The following ZNRF1 variants were observed in gnomAD, a reference collection of about 807,000 sequenced individuals.
The protein encoded by ZNRF1 is zinc and ring finger 1.
In ZNRF1, 3 loss-of-function variants were observed where a neutral mutation model predicts 18.4. The observed-to-expected ratio is 0.16, with a 90% CI of 0.07 to 0.42. The LOEUF is 0.42. Ranked by LOEUF, ZNRF1 falls within the 10% of genes least tolerant of loss-of-function variation. ZNRF1 has a pLI of 0.99. For missense variants in ZNRF1, 310 were observed against 329.8 expected (o/e 0.94, Z 0.47); for synonymous variants, 157 against 144.2 (o/e 1.09, Z -0.64).
chr16:75,040,598 G>GTTTTTTTT (rs61513153), intron 1 of ZNRF1, among the ~76,000 whole-genome samples: 8 of 46,386 alleles, frequency 1.7e-4, no homozygotes, highest in East Asian at 8.4e-4. Context: ...TTTTTTGTGG[G>GTTTTTTTT]TTTTTTTTTT....
chr16:75,037,880 G>A lies in ZNRF1; in HGVS notation c.424+37785G>A, dbSNP rs556343093. Among the ~76,000 whole-genome samples the A allele has an allele frequency of 3.8e-4, 58 of 152,224 alleles. 1 individual carries two copies. In the South Asian group the frequency reaches 7.5e-3, roughly 20 times the overall value. On this transcript the variant is annotated intron_variant, in intron 1 of 4. Transcript: ENST00000335325. Reference sequence around the variant, plus strand: ...ACCTGTTTTCCTAATACAAAATTTGGGAAGCAACAAAACCTTTTGCTGACA... The same window carrying A: ...ACCTGTTTTCCTAATACAAAATTTGAGAAGCAACAAAACCTTTTGCTGACA...
chr16:75,093,711 G>A (rs76372102), intron 2 of ZNRF1, 44 bp downstream of exon 2: 23,327 of 1,539,560 alleles, frequency 0.015, 236 homozygotes, highest in Non-Finnish European at 0.019. Flanking sequence ...GCATCCGTCG[G>A]GGGAGCCGGC....
chr16:75,029,390 C>T (rs774506251), intron 1 of ZNRF1, among the ~76,000 whole-genome samples: 7 of 152,080 alleles, frequency 4.6e-5, no homozygotes, highest in Non-Finnish European at 1.0e-4. Flanking sequence ...CCTTGTGATT[C>T]GCCTGCCTCG....
intron 1 of ZNRF1, among the ~76,000 whole-genome samples, chr16:75,046,604 CT>C (rs1567477212): frequency 6.6e-6 from 1 of 151,642 alleles, no homozygotes; most frequent in Non-Finnish European, 1.5e-5. Flanking sequence ...GAGACTGAGT[CT>C]CGCTCTGTCG....
intron 1 of ZNRF1, among the ~76,000 whole-genome samples, chr16:75,042,970 G>A (rs946918082): frequency 2.0e-5 from 3 of 152,190 alleles, no homozygotes; most frequent in South Asian, 4.1e-4. Context: ...GGCCAGCTCC[G>A]GGACGGTAAA....
intron 3 of ZNRF1, 134 bp downstream of exon 3, chr16:75,105,023 G>T: frequency 1.4e-6 from 1 of 698,886 alleles, no homozygotes; most frequent in Non-Finnish European, 2.4e-6. Context: ...GGTAAGGGCA[G>T]AGGCCATCAG....
chr16:75,104,837 C>T lies in ZNRF1; in HGVS notation c.574C>T (p.Leu192=). 6.2e-7 allele frequency: 1 copy of T among 1,611,270 alleles called. No individual in the cohort carries two copies. Among genetic ancestry groups the T allele is most frequent in the Non-Finnish European group, 8.5e-7 (1 of 1,179,222 alleles). ...GTGTGTGATCTGCCTGGAGGAGCTG[C>T]TGCAGGGGGACACGATAGCCAGGCT... The part of the protein sequence containing the change: ...GECVICLEEL[L]QGDTIARLPC... Residue 192 remains leucine (L), a synonymous_variant, in exon 3 of 5, where the codon CTG becomes TTG. Coordinates refer to ENST00000335325, the MANE Select transcript of ZNRF1 (RefSeq NM_032268.5).
At chr16:75,000,157 C>A (rs2034823878) in intron 1 of ZNRF1, 62 bp downstream of exon 1, 2 of 1,555,614 alleles carry the variant, frequency 1.3e-6, no homozygotes, top group South Asian at 1.2e-5. Flanking sequence ...CAAGCCTTCG[C>A]GTGCGTGCCA....
chr16:75,061,700 A>G (rs922855281), intron 1 of ZNRF1, among the ~76,000 whole-genome samples: 2 of 152,190 alleles, frequency 1.3e-5, no homozygotes, highest in African/African-American at 4.8e-5. Flanking sequence ...GTGTGATGGC[A>G]AAGTTACCTA....
At chr16:75,035,168 A>G (rs2035361768) in intron 1 of ZNRF1, among the ~76,000 whole-genome samples, 1 of 143,004 alleles carries the variant, frequency 7.0e-6, no homozygotes. Flanking sequence ...CAGCCTCCCA[A>G]GTAGCTGGGA....
At chr16:75,104,712 G>T (rs1310223703) in intron 2 of ZNRF1, 72 bp from the exon 3 acceptor site, 4 of 1,350,690 alleles carry the variant, frequency 3.0e-6, no homozygotes, top group Admixed American at 4.0e-5. Flanking sequence ...TAGTTCCTAG[G>T]CCCTTGCTTG....
chr16:75,107,780 C>T lies in ZNRF1; in HGVS notation c.*80C>T. On this transcript the variant is annotated 3_prime_UTR_variant, in exon 5 of 5. Transcript: ENST00000335325. ...GGAGGAGGCTCACCGGACCCTGGGG[C>T]AGAGCTGAGCTTGGGACACCAGCGG... 1 of 456,490 alleles carries T rather than the reference C, an allele frequency of 2.2e-6. No individual in the cohort carries two copies. The highest frequency in any genetic ancestry group is 4.4e-6 in the Non-Finnish European group (1 of 226,796). The allele number at this position is 456,490 out of a possible 1,614,324, so 28.3% of individuals were successfully genotyped here. A position where few individuals can be genotyped will look rare whatever the true frequency, so the allele number is the denominator to read the frequency against.
At chr16:75,028,025 CT>C (rs2145345122) in intron 1 of ZNRF1, among the ~76,000 whole-genome samples, 1 of 152,334 alleles carries the variant, frequency 6.6e-6, no homozygotes, top group Non-Finnish European at 1.5e-5. Flanking sequence ...CCTTTTCCCC[CT>C]TTCCTGTAAC....
At chr16:75,025,084 T>G (rs2035202914) in intron 1 of ZNRF1, among the ~76,000 whole-genome samples, 1 of 152,168 alleles carries the variant, frequency 6.6e-6, no homozygotes, top group African/African-American at 2.4e-5. Context: ...AATTTATTTT[T>G]TGAGACAGAG....
At chr16:75,015,167 TTTCTC>T (rs1223759961) in intron 1 of ZNRF1, among the ~76,000 whole-genome samples, 1 of 152,238 alleles carries the variant, frequency 6.6e-6, no homozygotes, top group African/African-American at 2.4e-5. Flanking sequence ...ATTCAAGTAT[TTTCTC>T]TTATGGCTTA....
chr16:75,014,297 G>A (rs564198882), intron 1 of ZNRF1, among the ~76,000 whole-genome samples: 26 of 151,984 alleles, frequency 1.7e-4, no homozygotes, highest in African/African-American at 2.2e-4. Flanking sequence ...GCCCTCACTC[G>A]TGTTTTTCCC....
chr16:75,005,330 A>G (rs2034904005), intron 1 of ZNRF1, among the ~76,000 whole-genome samples: 1 of 152,220 alleles, frequency 6.6e-6, no homozygotes, highest in Non-Finnish European at 1.5e-5. Context: ...TGAGGTTTGA[A>G]TGGTGTTGTA....
chr16:75,097,526 T>G (rs918927550), intron 2 of ZNRF1, among the ~76,000 whole-genome samples: 11 of 152,178 alleles, frequency 7.2e-5, no homozygotes, highest in African/African-American at 2.7e-4. Context: ...TCACACAAGC[T>G]GTCTTTTAAA....
chr16:75,001,730 G>T (rs2034851947), intron 1 of ZNRF1, among the ~76,000 whole-genome samples: 1 of 152,164 alleles, frequency 6.6e-6, no homozygotes, highest in Non-Finnish European at 1.5e-5. Context: ...TATGAGATAT[G>T]TAGGGAGGAA....
Sources: gnomAD v4.1 joint callset for allele counts (sites outside exome capture counted in the v4.1 genomes callset) on GRCh38, gnomAD v4.1.1 for gene constraint, MANE v1.5 for transcripts, NCBI Gene and HGNC (gene_info 2026-07-23, HGNC 2026-07-21) for gene names.